THSD7B: variants seen among roughly 807,000 people sequenced by gnomAD.
The protein encoded by THSD7B is thrombospondin type 1 domain containing 7B.
Under a neutral mutation model 213.6 loss-of-function variants are expected in THSD7B, and 138 were observed. That is an observed-to-expected ratio of 0.65 (90% CI 0.56 to 0.74). THSD7B has a LOEUF of 0.74. Ranked by LOEUF, THSD7B falls within the 30% of genes least tolerant of loss-of-function variation. The pLI, the probability that THSD7B is intolerant of heterozygous loss-of-function variation, is 0.00. For missense variants in THSD7B, 1,931 were observed against 1,991.5 expected (o/e 0.97, Z 0.58); for synonymous variants, 742 against 687.0 (o/e 1.08, Z -1.25).
At chr2:137,164,713 A>AATTC (rs1320123573) in intron 6 of THSD7B, among the ~76,000 whole-genome samples, 1 of 152,200 alleles carries the variant, frequency 6.6e-6, no homozygotes, top group Non-Finnish European at 1.5e-5. Flanking sequence ...AAAAAGGGTG[A>AATTC]ATTCATATCC....
chr2:137,386,352 A>G (rs1033499882), intron 12 of THSD7B, among the ~76,000 whole-genome samples: 1 of 152,178 alleles, frequency 6.6e-6, no homozygotes, highest in African/African-American at 2.4e-5. Flanking sequence ...TTGTAGGAAC[A>G]TTGGTTGAGC....
At chr2:137,156,429 C>G (rs1379645692) in intron 5 of THSD7B, among the ~76,000 whole-genome samples, 1 of 152,178 alleles carries the variant, frequency 6.6e-6, no homozygotes, top group Non-Finnish European at 1.5e-5. Context: ...GGTCTCTCTC[C>G]TACCCCTGGT....
intron 13 of THSD7B, among the ~76,000 whole-genome samples, chr2:137,411,001 T>C (rs1686639862): frequency 1.3e-5 from 2 of 152,198 alleles, no homozygotes; most frequent in African/African-American, 4.8e-5. Flanking sequence ...TCAAAGTGAA[T>C]TGGTAAGGTA....
intron 2 of THSD7B, among the ~76,000 whole-genome samples, chr2:136,977,517 G>T (rs952950987): frequency 1.3e-5 from 2 of 151,952 alleles, no homozygotes; most frequent in Admixed American, 1.3e-4. Flanking sequence ...GAATTTGTTT[G>T]CCCTTGGTTC....
chr2:137,376,862 T>A (rs965782925), intron 12 of THSD7B, among the ~76,000 whole-genome samples: 7 of 152,170 alleles, frequency 4.6e-5, no homozygotes, highest in African/African-American at 1.7e-4. Context: ...GTCTGATGTC[T>A]TTTTAGTGGC....
chr2:137,046,459 G>C (rs992048091), intron 2 of THSD7B, among the ~76,000 whole-genome samples: 1 of 152,120 alleles, frequency 6.6e-6, no homozygotes, highest in Non-Finnish European at 1.5e-5. Flanking sequence ...GCGGGGTGTG[G>C]TGGCTCACGA....
At chr2:136,984,361 G>A (rs915131678) in intron 2 of THSD7B, among the ~76,000 whole-genome samples, 2 of 152,232 alleles carry the variant, frequency 1.3e-5, no homozygotes, top group African/African-American at 4.8e-5. Flanking sequence ...GAATGGTTTA[G>A]CACCATCCTC....
At chr2:137,150,654 G>A (rs2104974250) in intron 5 of THSD7B, among the ~76,000 whole-genome samples, 2 of 152,248 alleles carry the variant, frequency 1.3e-5, no homozygotes, top group South Asian at 4.2e-4. Flanking sequence ...CCAGTCTCGG[G>A]TATTTCTTCA....
intron 12 of THSD7B, among the ~76,000 whole-genome samples, chr2:137,321,678 A>G (rs1449204282): frequency 6.6e-6 from 1 of 152,194 alleles, no homozygotes. Flanking sequence ...AATATATGCA[A>G]AGTGGTCTGC....
At chr2:137,548,173 G>A (rs867544891) in intron 15 of THSD7B, among the ~76,000 whole-genome samples, 8 of 151,952 alleles carry the variant, frequency 5.3e-5, no homozygotes, top group African/African-American at 1.2e-4. Context: ...CCCTGGAATC[G>A]AGGGCACTTG....
At chr2:137,410,036 A>G (rs1434008230) in intron 13 of THSD7B, among the ~76,000 whole-genome samples, 1 of 152,156 alleles carries the variant, frequency 6.6e-6, no homozygotes, top group Non-Finnish European at 1.5e-5. Context: ...AGATTCAACA[A>G]TATTTTATGG....
At chr2:137,638,563 A>C (rs1414505749) in intron 20 of THSD7B, among the ~76,000 whole-genome samples, 4 of 152,338 alleles carry the variant, frequency 2.6e-5, no homozygotes, top group African/African-American at 9.6e-5. Context: ...GGCACTGCTG[A>C]AAAGATACCT....
chr2:136,914,067 G>A (rs918902623), intron 2 of THSD7B, among the ~76,000 whole-genome samples: 3 of 152,204 alleles, frequency 2.0e-5, no homozygotes, highest in South Asian at 2.1e-4. Flanking sequence ...AAGCCACTGG[G>A]GTGGAGCTGC....
chr2:137,097,597 A>T (rs1175317665), intron 4 of THSD7B, among the ~76,000 whole-genome samples: 2 of 152,102 alleles, frequency 1.3e-5, no homozygotes, highest in Non-Finnish European at 2.9e-5. Flanking sequence ...TGTGCATCAT[A>T]TTTTTTTCAA....
chr2:137,420,710 ATAAC>A (rs1159385112), intron 14 of THSD7B, among the ~76,000 whole-genome samples: 1 of 152,238 alleles, frequency 6.6e-6, no homozygotes, highest in Non-Finnish European at 1.5e-5. Flanking sequence ...ATGCTTATGA[ATAAC>A]TAATTTTAAT....
intron 27 of THSD7B, among the ~76,000 whole-genome samples, chr2:137,675,084 T>TAA (rs1265234179): frequency 1.3e-5 from 2 of 151,954 alleles, no homozygotes; most frequent in Non-Finnish European, 2.9e-5. Flanking sequence ...CCAGACACAA[T>TAA]AGACCAGATA....
chr2:136,804,403 A>AAC (rs3030361), intron 1 of THSD7B, among the ~76,000 whole-genome samples: 2,201 of 148,160 alleles, frequency 0.015, 26 homozygotes, highest in African/African-American at 0.04. Flanking sequence ...ACACACACAT[A>AAC]ACACACACAC....
At chr2:137,542,344 A>G (rs910508575) in intron 15 of THSD7B, among the ~76,000 whole-genome samples, 3 of 151,742 alleles carry the variant, frequency 2.0e-5, no homozygotes. Flanking sequence ...TTACATATCC[A>G]GCAAAGTATT....
chr2:137,176,442 T>A (rs1227376426), intron 7 of THSD7B, among the ~76,000 whole-genome samples: 1 of 152,222 alleles, frequency 6.6e-6, no homozygotes, highest in African/African-American at 2.4e-5. Flanking sequence ...GGGACGAGAA[T>A]CTTATCTTGC....
Sources: gnomAD v4.1 joint callset for allele counts (sites outside exome capture counted in the v4.1 genomes callset) on GRCh38, gnomAD v4.1.1 for gene constraint, MANE v1.5 for transcripts, NCBI Gene and HGNC (gene_info 2026-07-23, HGNC 2026-07-21) for gene names.